Variants in PRR11 observed in about 807,000 individuals in gnomAD.
PRR11 encodes proline-rich protein 11.
Under a neutral mutation model 45.6 loss-of-function variants are expected in PRR11, and 30 were observed. That is an observed-to-expected ratio of 0.66 (90% CI 0.49 to 0.89). PRR11 has a LOEUF of 0.89. Among genes scored for constraint, PRR11 ranks in the 40% least tolerant of loss-of-function variants. The probability of loss-of-function intolerance (pLI) is 0.00; values close to 1 mark genes in which losing one functional copy is unlikely to be tolerated. For missense variants in PRR11, 373 were observed against 424.8 expected (o/e 0.88, Z 1.07); for synonymous variants, 128 against 153.5 (o/e 0.83, Z 1.23).
At chr17:59,177,933 T>A (rs912512252) in intron 2 of PRR11, among the ~76,000 whole-genome samples, 1 of 149,726 alleles carries the variant, frequency 6.7e-6, no homozygotes, top group African/African-American at 2.5e-5. Flanking sequence ...GCCCAGGAAT[T>A]AGAGGCTGTG....
intron 2 of PRR11, chr17:59,178,448 A>G (rs956017170): frequency 4.0e-6 from 2 of 503,682 alleles, no homozygotes; most frequent in African/African-American, 3.9e-5. Flanking sequence ...AAGCAGGAAC[A>G]CGGTTCCGTG....
chr17:59,201,661 T>C lies in PRR11; in HGVS notation c.*30T>C. On this transcript the variant is annotated 3_prime_UTR_variant, in exon 10 of 10. Transcript: ENST00000262293. ...AACTCTGCCTCACTCCATGAGATGA[T>C]CCATAACAAATACAGATAAAAACAC... 1 of 1,606,262 alleles carries C rather than the reference T, an allele frequency of 6.2e-7. No individual in the cohort carries two copies. The highest frequency in any genetic ancestry group is 8.5e-7 in the Non-Finnish European group (1 of 1,173,728).
intron 1 of PRR11, among the ~76,000 whole-genome samples, chr17:59,166,130 CAG>C (rs1199654045): frequency 6.6e-6 from 1 of 152,192 alleles, no homozygotes; most frequent in Admixed American, 6.5e-5. Context: ...CAACCTGCAA[CAG>C]GGTAGTGGGG....
intron 1 of PRR11, among the ~76,000 whole-genome samples, chr17:59,157,106 A>G (rs1490809985): frequency 6.6e-6 from 1 of 152,198 alleles, no homozygotes; most frequent in Non-Finnish European, 1.5e-5. Context: ...AACCTCCCTA[A>G]CCAAGAGAAT....
At chr17:59,201,515 TCA>T in intron 9 of PRR11, 46 bp from the exon 10 acceptor site, 1 of 1,569,854 alleles carries the variant, frequency 6.4e-7, no homozygotes, top group Non-Finnish European at 8.7e-7. Context: ...GTTGTACTTA[TCA>T]CAGGAATATA....
At chr17:59,165,916 T>A (rs1205983531) in intron 1 of PRR11, among the ~76,000 whole-genome samples, 1 of 152,198 alleles carries the variant, frequency 6.6e-6, no homozygotes, top group African/African-American at 2.4e-5. Flanking sequence ...AAAGGTGAAG[T>A]CAGCCAACTA....
chr17:59,181,205 G>A (rs979543800), intron 2 of PRR11, among the ~76,000 whole-genome samples: 1 of 150,852 alleles, frequency 6.6e-6, no homozygotes, highest in Non-Finnish European at 1.5e-5. Flanking sequence ...AGCCAGGATG[G>A]TCTCGATCTC....
intron 1 of PRR11, among the ~76,000 whole-genome samples, chr17:59,161,282 C>G (rs1395351953): frequency 6.6e-6 from 1 of 151,938 alleles, no homozygotes; most frequent in Non-Finnish European, 1.5e-5. Context: ...TAGTGTGTGC[C>G]TGTAGTCCCA....
At chr17:59,194,265 C>CCACACACACACACA (rs1277044945) in intron 5 of PRR11, among the ~76,000 whole-genome samples, 10 of 90,492 alleles carry the variant, frequency 1.1e-4, no homozygotes, top group African/African-American at 5.2e-4. Context: ...TCTTCCCAAT[C>CCACACACACACACA]CTCACACACA....
intron 1 of PRR11, among the ~76,000 whole-genome samples, chr17:59,167,750 G>A (rs1377081932): frequency 6.6e-6 from 1 of 152,148 alleles, no homozygotes; most frequent in Admixed American, 6.5e-5. Context: ...AACTGTCTTG[G>A]TGCTGGTGGG....
intron 1 of PRR11, among the ~76,000 whole-genome samples, chr17:59,161,382 G>A (rs115713851): frequency 0.021 from 3,096 of 148,442 alleles, 111 homozygotes; most frequent in African/African-American, 0.073. Flanking sequence ...ACTCCAGCCT[G>A]GCCAGGCAAC....
intron 2 of PRR11, among the ~76,000 whole-genome samples, chr17:59,182,203 C>T (rs1207658888): frequency 1.3e-5 from 2 of 151,456 alleles, no homozygotes; most frequent in Non-Finnish European, 2.9e-5. Context: ...CAATTTTGTA[C>T]TTTTAGTAGA....
intron 2 of PRR11, among the ~76,000 whole-genome samples, chr17:59,176,215 C>A (rs1340053329): frequency 2.6e-5 from 4 of 152,076 alleles, no homozygotes; most frequent in African/African-American, 7.2e-5. Context: ...GCGGTGAAGC[C>A]ACACCAGGAA....
intron 1 of PRR11, among the ~76,000 whole-genome samples, chr17:59,157,985 G>A (rs1461505215): frequency 6.6e-6 from 1 of 152,192 alleles, no homozygotes; most frequent in Non-Finnish European, 1.5e-5. Context: ...AGGGCCATTA[G>A]AGCTAAGTTG....
At chr17:59,171,224 C>T (rs1346516922) in intron 2 of PRR11, among the ~76,000 whole-genome samples, 4 of 151,986 alleles carry the variant, frequency 2.6e-5, no homozygotes, top group Non-Finnish European at 5.9e-5. Context: ...GACAGTGCCA[C>T]TGCGCTCCAG....
intron 2 of PRR11, chr17:59,181,609 G>A (rs1364620717): frequency 3.8e-5 from 54 of 1,423,520 alleles, no homozygotes; most frequent in Middle Eastern, 2.5e-4. Flanking sequence ...CAGCATCTCC[G>A]CCACCCAGGT....
chr17:59,166,494 CAAG>C (rs2046680722), intron 1 of PRR11, among the ~76,000 whole-genome samples: 2 of 151,922 alleles, frequency 1.3e-5, no homozygotes, highest in Non-Finnish European at 2.9e-5. Context: ...TGTACCACAG[CAAG>C]AAGGACCCTT....
chr17:59,192,265 A>G (rs931114949), intron 4 of PRR11, among the ~76,000 whole-genome samples: 2 of 152,158 alleles, frequency 1.3e-5, no homozygotes, highest in Non-Finnish European at 2.9e-5. Flanking sequence ...CAAAAGAGGC[A>G]AGGAACCGAT....
At chr17:59,195,765 T>G (rs1307027978) in intron 7 of PRR11, among the ~76,000 whole-genome samples, 1 of 152,064 alleles carries the variant, frequency 6.6e-6, no homozygotes, top group East Asian at 1.9e-4. Context: ...TAACAGATTT[T>G]GGGAGAAAAA....
Sources: gnomAD v4.1 joint callset for allele counts (sites outside exome capture counted in the v4.1 genomes callset) on GRCh38, gnomAD v4.1.1 for gene constraint, MANE v1.5 for transcripts, NCBI Gene and HGNC (gene_info 2026-07-23, HGNC 2026-07-21) for gene names.